The following CEP295 variants were observed in gnomAD, a reference collection of about 807,000 sequenced individuals.
CEP295 encodes the protein centrosomal protein 295.
Under a neutral mutation model 291.6 loss-of-function variants are expected in CEP295, and 190 were observed. The ratio of observed to expected loss-of-function variants is 0.65; its 90% CI spans 0.58 to 0.73. The LOEUF is 0.73. Ranked by LOEUF, CEP295 falls within the 30% of genes least tolerant of loss-of-function variation. CEP295 has a pLI of 0.00. For synonymous variants in CEP295, 993 were observed against 1,038.8 expected, an observed-to-expected ratio of 0.96 and a Z score of 0.85; for missense variants, 2,863 against 2,949.4, an observed-to-expected ratio of 0.97 and a Z score of 0.68.
At chr11:93,691,841 A>G (rs1951568705) in intron 11 of CEP295, 66 bp downstream of exon 11, 3 of 1,292,002 alleles carry the variant, frequency 2.3e-6, no homozygotes, top group African/African-American at 1.5e-5. Flanking sequence ...AAATAAAATT[A>G]CATGTGATAT....
rs868479634 is a variant in CEP295 at position 93,727,581 on chromosome 11, T to G, written c.7105T>G (p.Ser2369Ala). 3 of 1,550,992 alleles carry G rather than the reference T, an allele frequency of 1.9e-6. No individual in the cohort carries two copies. Among genetic ancestry groups the G allele is most frequent in the Admixed American group, 2.0e-5 (1 of 50,798 alleles). ...ITKKLSQLGE[S>A]ELFASSGSFS... Reference sequence around the variant, plus strand: ...CAAAAAACTATCTCAACTAGGAGAATCAGAGCTTTTTGCAAGTTCTGGATC... The same window carrying G: ...CAAAAAACTATCTCAACTAGGAGAAGCAGAGCTTTTTGCAAGTTCTGGATC... Residue 2369 changes from serine (S) to alanine (A), a missense_variant, in exon 24 of 30, where the codon TCA (serine) becomes GCA (alanine). Coordinates refer to ENST00000325212, the MANE Select transcript of CEP295 (RefSeq NM_033395.2).
At chr11:93,667,525 T>G in intron 2 of CEP295, 82 bp from the exon 3 acceptor site, 1 of 940,270 alleles carries the variant, frequency 1.1e-6, no homozygotes, top group Non-Finnish European at 1.6e-6. Flanking sequence ...AGAATTCATT[T>G]GAGTTCCTCT....
chr11:93,728,421 A>G (rs969332077), intron 24 of CEP295: 3 of 302,334 alleles, frequency 9.9e-6, no homozygotes, highest in African/African-American at 4.4e-5. Context: ...GTTTGTAATC[A>G]TTGTGGTAGA....
chr11:93,722,913 G>A (rs998802905), intron 20 of CEP295, 128 bp from the exon 21 acceptor site: 9 of 669,522 alleles, frequency 1.3e-5, no homozygotes, highest in Non-Finnish European at 2.2e-5. Context: ...GTTTCACCAT[G>A]TTGGCGAGAT....
At chr11:93,714,442 G>T (rs1953103360) in intron 18 of CEP295, among the ~76,000 whole-genome samples, 1 of 152,110 alleles carries the variant, frequency 6.6e-6, no homozygotes, top group African/African-American at 2.4e-5. Context: ...GTAAAGACGG[G>T]GTTTCACCAT....
At position 93,675,674 on chromosome 11, in the gene CEP295, ACTTATTGTTTCTT is replaced by A. The variant is rs1950652899; in HGVS notation, c.624+10_624+22del. 1.5e-6 allele frequency: 2 copies of A among 1,319,256 alleles called. No individual in the cohort carries two copies. Among genetic ancestry groups the A allele is most frequent in the Non-Finnish European group, 2.1e-6 (2 of 962,962 alleles). The allele number at this position is 1,319,256 out of a possible 1,614,324, so 81.7% of individuals were successfully genotyped here. A position where few individuals can be genotyped will look rare whatever the true frequency, so the allele number is the denominator to read the frequency against. ...GAGACAGACACAAAACGGGTGATTG[ACTTATTGTTTCTT>A]CATGCCCTCGCTTTATTATTTCTGT... On this transcript the variant is annotated intron_variant, in intron 6 of 29. Transcript: ENST00000325212.
chr11:93,705,029 CT>C (rs1392824767), intron 17 of CEP295, among the ~76,000 whole-genome samples: 5 of 152,164 alleles, frequency 3.3e-5, no homozygotes, highest in East Asian at 1.9e-4. Context: ...TTTTTCTAAA[CT>C]TTTTTTCATG....
chr11:93,705,349 G>T (rs976939954), intron 17 of CEP295, among the ~76,000 whole-genome samples: 1 of 152,054 alleles, frequency 6.6e-6, no homozygotes, highest in African/African-American at 2.4e-5. Flanking sequence ...AACTGAACGG[G>T]GGTAGAGGCA....
chr11:93,705,192 G>T (rs1952435451), intron 17 of CEP295, among the ~76,000 whole-genome samples: 1 of 152,018 alleles, frequency 6.6e-6, no homozygotes, highest in Non-Finnish European at 1.5e-5. Flanking sequence ...AGTTGTATGG[G>T]CCGTGCTATG....
chr11:93,713,823 A>G (rs1455317217), intron 18 of CEP295, among the ~76,000 whole-genome samples: 1 of 152,016 alleles, frequency 6.6e-6, no homozygotes, highest in Non-Finnish European at 1.5e-5. Context: ...TATTTTCTAG[A>G]TCTTGTAGGC....
chr11:93,723,307 C>A lies in CEP295; in HGVS notation c.6196+18C>A. The stretch of plus-strand genomic sequence containing the variant: ...TTTGCAAGGTAAAATTATTTTAAAG[C>A]AATACTTTTATGTAAATTAAGTTTT... On this transcript the variant is annotated intron_variant, in intron 21 of 29. Coordinates refer to ENST00000325212, the MANE Select transcript of CEP295 (RefSeq NM_033395.2). 6.9e-7 allele frequency: 1 copy of A among 1,442,546 alleles called. No individual in the cohort carries two copies. Among genetic ancestry groups the A allele is most frequent in the Non-Finnish European group, 9.3e-7 (1 of 1,071,790 alleles). 89.4% of individuals were successfully genotyped at this position (1,442,546 alleles called of 1,614,324 possible).
Position 93,702,914 on chromosome 11 carries a change from T to C in CEP295, c.5591T>C (p.Ile1864Thr), listed in dbSNP as rs1462784436. Residue 1864 changes from isoleucine to threonine, a missense_variant, in exon 17 of 30, where the codon ATA becomes ACA. This residue lies in a region of CEP295 where 2,295 missense variants were observed against 2,335.7 expected (regional missense o/e 0.98). Coordinates refer to ENST00000325212, the MANE Select transcript of CEP295 (RefSeq NM_033395.2). ...TCACCAGCAATTGGCAGAACTTCTA[T>C]ACTAGGTAAATAGATGCTTTGATAA... ...VESPAIGRTS[I>T]LGKPGIYEDR... 6.5e-7 allele frequency: 1 copy of C among 1,540,194 alleles called. No homozygotes were observed. The highest frequency in any genetic ancestry group is 1.2e-5 in the South Asian group (1 of 81,086).
chr11:93,669,776 TTTGAGTA>T lies in CEP295; in HGVS notation c.528+9_528+15del, dbSNP rs1337526028. 2.6e-6 allele frequency: 4 copies of T among 1,536,664 alleles called. No individual in the cohort carries two copies. The South Asian group carries it at 4.8e-5, about 18-fold the overall frequency. ...CTCCTCCAACTCTTTTTGAGGTGAGTTTGAGTATTAAGAGGAACTAGGTCATAATTCT... is the reference window on the plus strand; with the variant it reads ...CTCCTCCAACTCTTTTTGAGGTGAGTTTAAGAGGAACTAGGTCATAATTCT... On this transcript the variant is annotated splice_region_variant and intron_variant, in intron 5 of 29. Coordinates refer to ENST00000325212, the MANE Select transcript of CEP295 (RefSeq NM_033395.2).
intron 10 of CEP295, among the ~76,000 whole-genome samples, chr11:93,689,295 C>G (rs1951399831): frequency 6.6e-6 from 1 of 152,126 alleles, no homozygotes; most frequent in African/African-American, 2.4e-5. Flanking sequence ...GGTTTCAAAG[C>G]CTTATGTGAC....
intron 5 of CEP295, among the ~76,000 whole-genome samples, chr11:93,674,552 T>C (rs1254098451): frequency 6.6e-6 from 1 of 152,166 alleles, no homozygotes; most frequent in Non-Finnish European, 1.5e-5. Context: ...CTTAAAAAAA[T>C]TAAAAGTGCT....
In CEP295 at chr11:93,696,785, G is replaced by A; in HGVS notation, c.1873G>A (p.Asp625Asn). ...GGTGTCAGCTCCATCATTGATAACT[G>A]ATTCTGTTATATCAGTGCCATCATG... ...PSVSAPSLIT[D>N]SVISVPSWKS... The change falls in exon 15 of 30, where the codon GAT becomes AAT. Residue 625 changes from aspartate to asparagine, a missense_variant. Physicochemically the swap from Asp to Asn is conservative, Grantham distance 23. Around this residue, in one of 3 missense-constraint regions of CEP295, gnomAD observed 2,295 missense variants for 2,335.7 expected, o/e 0.98. Transcript: ENST00000325212. 6.4e-7 allele frequency: 1 copy of A among 1,551,628 alleles called. No homozygotes were observed. Among genetic ancestry groups the A allele is most frequent in the South Asian group, 1.2e-5 (1 of 84,056 alleles).
chr11:93,678,230 T>C (rs903436187), intron 6 of CEP295, among the ~76,000 whole-genome samples: 9 of 152,210 alleles, frequency 5.9e-5, no homozygotes, highest in African/African-American at 2.2e-4. Context: ...CTGAAATGGA[T>C]TGAAATATTG....
intron 5 of CEP295, among the ~76,000 whole-genome samples, chr11:93,674,389 C>A (rs931172912): frequency 2.0e-5 from 3 of 152,148 alleles, no homozygotes; most frequent in African/African-American, 7.2e-5. Context: ...TCCCTCCCAA[C>A]CTGTGTTGCA....
At chr11:93,687,419 C>T (rs147956946) in intron 9 of CEP295, among the ~76,000 whole-genome samples, 146 of 152,184 alleles carry the variant, frequency 9.6e-4, no homozygotes, top group African/African-American at 3.4e-3. Context: ...TTGGAAAATA[C>T]TTGAATTTTG....
Sources: gnomAD v4.1 joint callset for allele counts (sites outside exome capture counted in the v4.1 genomes callset) on GRCh38, gnomAD v4.1.1 for gene constraint, gnomAD v4.1.1 regional missense constraint, MANE v1.5 for transcripts, NCBI Gene and HGNC (gene_info 2026-07-23, HGNC 2026-07-21) for gene names.